The following MAPKAPK3 variants were observed in gnomAD, a reference collection of about 807,000 sequenced individuals.
MAPKAPK3 encodes MAPK activated protein kinase 3.
In MAPKAPK3, 35 loss-of-function variants were observed where a neutral mutation model predicts 49.2. The observed-to-expected ratio is 0.71, with a 90% CI of 0.54 to 0.94. The LOEUF (loss-of-function observed/expected upper bound fraction) is 0.94, where lower values mean the gene tolerates loss of function less well. Ranked by LOEUF, MAPKAPK3 falls within the 40% of genes least tolerant of loss-of-function variation. The pLI is 0.00. For missense variants in MAPKAPK3, 398 were observed against 493.1 expected (o/e 0.81, Z 1.83); for synonymous variants, 178 against 188.7 (o/e 0.94, Z 0.46).
At chr3:50,635,642 C>T (rs1352429203) in intron 2 of MAPKAPK3, among the ~76,000 whole-genome samples, 1 of 151,294 alleles carries the variant, frequency 6.6e-6, no homozygotes, top group Non-Finnish European at 1.5e-5. Flanking sequence ...GTCTCAAACT[C>T]CTGATCTCGT....
upstream of MAPKAPK3, chr3:50,611,813 G>T: frequency 1.1e-6 from 1 of 940,704 alleles, no homozygotes. Flanking sequence ...GGGCGAGGGG[G>T]GCGGGCCAGA....
In MAPKAPK3 at chr3:50,617,651, G is replaced by C. The variant is rs764208748; in HGVS notation, c.86G>C (p.Gly29Ala). ...GGACCCGGCTTGGGCGGTGCTCCGGGGGGGCGGCGGGAGCCCAAGAAGTAC... is the reference window on the plus strand; with the variant it reads ...GGACCCGGCTTGGGCGGTGCTCCGGCGGGGCGGCGGGAGCCCAAGAAGTAC... ...PGGPGLGGAP[G>A]GRREPKKYAV... The change falls in exon 2 of 11, where the codon GGG (glycine) becomes GCG (alanine). Residue 29 changes from glycine (G) to alanine (A), a missense_variant. This residue lies in a region of MAPKAPK3 where 123 missense variants were observed against 117.7 expected (regional missense o/e 1.04). Coordinates refer to ENST00000621469, the MANE Select transcript of MAPKAPK3 (RefSeq NM_001243925.2). The C allele has an allele frequency of 6.8e-6, 11 of 1,610,298 alleles. No individual in the cohort carries two copies. Among genetic ancestry groups the C allele is most frequent in the Middle Eastern group, 1.7e-4 (1 of 5,868 alleles).
upstream of MAPKAPK3, among the ~76,000 whole-genome samples, chr3:50,616,012 AC>A (rs2032456679): frequency 6.6e-6 from 1 of 152,148 alleles, no homozygotes; most frequent in South Asian, 2.1e-4. Context: ...GGAGGCGCTC[AC>A]TGGGCCTAAA....
chr3:50,622,832 C>T (rs2032643766), intron 2 of MAPKAPK3, among the ~76,000 whole-genome samples: 1 of 152,238 alleles, frequency 6.6e-6, no homozygotes, highest in South Asian at 2.1e-4. Flanking sequence ...GCTGTCCAGG[C>T]TGCACCTCTG....
rs1559481908 is a variant in MAPKAPK3 at position 50,617,622 on chromosome 3, CG to C, written c.59del (p.Gly20AlafsTer20). 1 of 1,606,008 alleles carries C rather than the reference CG, an allele frequency of 6.2e-7. No homozygotes were observed. On this transcript the variant is annotated frameshift_variant, in exon 2 of 11. Transcript: ENST00000621469. LOFTEE classifies it high-confidence loss of function. ...GCCCTGTGCCCCCGCCAGTTGCACCCGGCGGACCCGGCTTGGGCGGTGCTCC... is the reference window on the plus strand; with the variant it reads ...GCCCTGTGCCCCCGCCAGTTGCACCCGCGGACCCGGCTTGGGCGGTGCTCC... ...GGPVPPPVAP[G>X]GPGLGGAPGG...
chr3:50,618,560 C>A (rs909546408), intron 2 of MAPKAPK3, among the ~76,000 whole-genome samples: 3 of 152,200 alleles, frequency 2.0e-5, no homozygotes, highest in Non-Finnish European at 4.4e-5. Flanking sequence ...CACCCCATAC[C>A]CAGAATCCCT....
chr3:50,633,703 C>T (rs896923091), intron 2 of MAPKAPK3, among the ~76,000 whole-genome samples: 2 of 152,228 alleles, frequency 1.3e-5, no homozygotes, highest in African/African-American at 4.8e-5. Context: ...TCCTCCCAAG[C>T]CCGTGTTTCC....
chr3:50,619,929 G>A (rs2032567452), intron 2 of MAPKAPK3, among the ~76,000 whole-genome samples: 1 of 152,096 alleles, frequency 6.6e-6, no homozygotes, highest in Non-Finnish European at 1.5e-5. Context: ...CCCCTTTATG[G>A]GTGAGCATGG....
intron 2 of MAPKAPK3, among the ~76,000 whole-genome samples, chr3:50,631,352 G>T (rs1354651660): frequency 6.6e-6 from 1 of 152,194 alleles, no homozygotes; most frequent in Admixed American, 6.5e-5. Flanking sequence ...GGCAGGAGCG[G>T]GGTTCTGGCA....
chr3:50,626,004 G>A (rs1323978794), intron 2 of MAPKAPK3, among the ~76,000 whole-genome samples: 2 of 152,184 alleles, frequency 1.3e-5, no homozygotes, highest in Non-Finnish European at 2.9e-5. Context: ...TTGACCAGGT[G>A]TCAGCAGCCT....
intron 2 of MAPKAPK3, among the ~76,000 whole-genome samples, chr3:50,621,475 G>A (rs914739497): frequency 2.0e-5 from 3 of 151,886 alleles, no homozygotes; most frequent in African/African-American, 4.8e-5. Flanking sequence ...GCGGGCGCCT[G>A]TAATCCCAGC....
chr3:50,646,458 C>T (rs558661530), intron 8 of MAPKAPK3, among the ~76,000 whole-genome samples, 194 bp downstream of exon 8: 1 of 152,328 alleles, frequency 6.6e-6, no homozygotes, highest in East Asian at 1.9e-4. Context: ...TCAAAACTTG[C>T]CTCCTCAAAA....
At chr3:50,625,196 C>T (rs188738196) in intron 2 of MAPKAPK3, among the ~76,000 whole-genome samples, 5 of 152,234 alleles carry the variant, frequency 3.3e-5, no homozygotes, top group Admixed American at 2.6e-4. Context: ...GTTACTATCC[C>T]TGCATTCATG....
intron 2 of MAPKAPK3, among the ~76,000 whole-genome samples, chr3:50,635,538 C>G (rs1576007822): frequency 6.7e-6 from 1 of 150,030 alleles, no homozygotes; most frequent in Non-Finnish European, 1.5e-5. Context: ...CTGCCTCAGC[C>G]TCCTGAGTAG....
intron 2 of MAPKAPK3, among the ~76,000 whole-genome samples, chr3:50,628,826 C>T (rs938667351): frequency 2.0e-4 from 30 of 152,292 alleles, no homozygotes; most frequent in Middle Eastern, 6.8e-3. Context: ...AGAGTGGGTG[C>T]CCAGTTCACA....
At chr3:50,638,213 AC>A (rs1186199748) in intron 2 of MAPKAPK3, among the ~76,000 whole-genome samples, 2 of 152,076 alleles carry the variant, frequency 1.3e-5, no homozygotes, top group African/African-American at 4.8e-5. Context: ...GTCAGGTCAG[AC>A]TGGGGAGGAG....
exon 1 of MAPKAPK3, chr3:50,612,075 G>C (rs1259790616): frequency 5.3e-6 from 1 of 189,416 alleles, no homozygotes; most frequent in Non-Finnish European, 1.1e-5. Flanking sequence ...CCGAGCGGTC[G>C]GGGAGGGCCA....
At chr3:50,620,979 C>T (rs1377525454) in intron 2 of MAPKAPK3, among the ~76,000 whole-genome samples, 2 of 152,224 alleles carry the variant, frequency 1.3e-5, no homozygotes, top group African/African-American at 4.8e-5. Flanking sequence ...CCCACCACAT[C>T]CAAGATCCAG....
At position 50,625,301 on chromosome 3, in the gene MAPKAPK3, A is replaced by G. The variant is rs192012342; in HGVS notation, c.219+7517A>G. On this transcript the variant is annotated intron_variant, in intron 2 of 10. Coordinates refer to ENST00000621469, the MANE Select transcript of MAPKAPK3 (RefSeq NM_001243925.2). ...TGCTGGTGAAACATTATTGGTTTTT[A>G]TGAGGACTCACTTGGGTGCGCCCTG... 4.6e-5 allele frequency among the ~76,000 whole-genome samples: 7 copies of G among 152,244 alleles called. No homozygotes were observed. In the East Asian group the frequency reaches 1.4e-3, roughly 29 times the overall value.
Sources: gnomAD v4.1 joint callset for allele counts (sites outside exome capture counted in the v4.1 genomes callset) on GRCh38, gnomAD v4.1.1 for gene constraint, gnomAD v4.1.1 regional missense constraint, MANE v1.5 for transcripts, NCBI Gene and HGNC (gene_info 2026-07-23, HGNC 2026-07-21) for gene names.